IMMP2L: variants seen among roughly 807,000 people sequenced by gnomAD.
IMMP2L encodes the protein inner mitochondrial membrane peptidase subunit 2.
Under a neutral mutation model 19.3 loss-of-function variants are expected in IMMP2L, and 18 were observed. The observed-to-expected ratio is 0.93, with a 90% CI of 0.64 to 1.38. The LOEUF is 1.38. IMMP2L is among the 40% of genes most tolerant of loss of function. The probability of loss-of-function intolerance (pLI) is 0.00; values close to 1 mark genes in which losing one functional copy is unlikely to be tolerated. For missense variants in IMMP2L, 233 were observed against 218.2 expected (o/e 1.07, Z -0.43); for synonymous variants, 76 against 73.0 (o/e 1.04, Z -0.21).
intron 3 of IMMP2L, among the ~76,000 whole-genome samples, chr7:111,261,242 G>A (rs1817281155): frequency 6.6e-6 from 1 of 152,006 alleles, no homozygotes; most frequent in Non-Finnish European, 1.5e-5. Context: ...GCTCTCTGAG[G>A]TAAATGAACC....
rs185396873 is a variant in IMMP2L at position 110,905,656 on chromosome 7, G to A, written c.306-18961C>T. 1.1e-3 allele frequency among the ~76,000 whole-genome samples: 164 copies of A among 152,270 alleles called. 1 individual carries two copies. Among genetic ancestry groups the A allele is most frequent in the African/African-American group, 3.6e-3 (150 of 41,560 alleles). On this transcript the variant is annotated intron_variant, in intron 4 of 5. Coordinates refer to ENST00000405709, the MANE Select transcript of IMMP2L (RefSeq NM_032549.4). ...AAGATGAGAGATCATAAAGTACATC[G>A]TAGGTTAATATTAGAAGAACCCTGA...
At chr7:111,200,051 A>G (rs946397954) in intron 3 of IMMP2L, among the ~76,000 whole-genome samples, 4 of 152,088 alleles carry the variant, frequency 2.6e-5, no homozygotes, top group African/African-American at 9.7e-5. Context: ...ACCACTCTCA[A>G]TATAAATGAA....
chr7:111,161,293 AT>A, intron 3 of IMMP2L, among the ~76,000 whole-genome samples: 1 of 152,032 alleles, frequency 6.6e-6, no homozygotes, highest in Admixed American at 6.6e-5. Flanking sequence ...AGAACAAAAA[AT>A]AATATGCCCT....
At chr7:110,799,083 G>A (rs1383547053) in intron 5 of IMMP2L, among the ~76,000 whole-genome samples, 1 of 151,976 alleles carries the variant, frequency 6.6e-6, no homozygotes, top group Non-Finnish European at 1.5e-5. Flanking sequence ...TGAAAAAAAT[G>A]TAAAGGAATA....
In IMMP2L at chr7:110,838,150, G is replaced by A. The variant is rs1235743841; in HGVS notation, c.408+48443C>T. Among the ~76,000 whole-genome samples the A allele has an allele frequency of 4.0e-5, 6 of 151,296 alleles. No homozygotes were observed. The East Asian group carries it at 9.7e-4, about 24-fold the overall frequency. Reference sequence around the variant, plus strand: ...CTTCCTAAATAATCATATTCAGTCAGTAGTTATCTGGGCCTTTGATCCTAT... The same window carrying A: ...CTTCCTAAATAATCATATTCAGTCAATAGTTATCTGGGCCTTTGATCCTAT... On this transcript the variant is annotated intron_variant, in intron 5 of 5. Coordinates refer to ENST00000405709, the MANE Select transcript of IMMP2L (RefSeq NM_032549.4).
chr7:110,858,901 A>G (rs903776607), intron 5 of IMMP2L, among the ~76,000 whole-genome samples: 1 of 151,936 alleles, frequency 6.6e-6, no homozygotes, highest in African/African-American at 2.4e-5. Context: ...ATGATTTCCA[A>G]TTTCATCCAT....
intron 5 of IMMP2L, among the ~76,000 whole-genome samples, chr7:110,772,720 T>C (rs1455983497): frequency 1.3e-5 from 2 of 152,150 alleles, no homozygotes; most frequent in East Asian, 3.9e-4. Flanking sequence ...TGCAATGAGA[T>C]AGGACCAAGT....
chr7:110,720,074 T>C lies in IMMP2L; in HGVS notation c.409-56353A>G, dbSNP rs146863334. On this transcript the variant is annotated intron_variant, in intron 5 of 5. Coordinates refer to ENST00000405709, the MANE Select transcript of IMMP2L (RefSeq NM_032549.4). ...TATTCCAACTAAAATCCTGGAAATC[T>C]CATAATGTCGGGAAATTAGCTGAGA... Among the ~76,000 whole-genome samples the C allele has an allele frequency of 1.6e-3, 248 of 152,288 alleles. 1 individual carries two copies. The highest frequency in any genetic ancestry group is 5.7e-3 in the African/African-American group (236 of 41,568).
At chr7:111,042,453 T>C (rs1488609792) in intron 3 of IMMP2L, among the ~76,000 whole-genome samples, 1 of 152,224 alleles carries the variant, frequency 6.6e-6, no homozygotes, top group Admixed American at 6.5e-5. Context: ...AGTGTTGGGA[T>C]TACAGGCGTG....
chr7:111,015,180 A>C (rs766598969), intron 3 of IMMP2L, among the ~76,000 whole-genome samples: 2 of 152,196 alleles, frequency 1.3e-5, no homozygotes, highest in African/African-American at 2.4e-5. Context: ...AAGAATGGAC[A>C]AACAAATGTG....
intron 5 of IMMP2L, among the ~76,000 whole-genome samples, chr7:110,818,122 T>A (rs1419592203): frequency 1.3e-5 from 2 of 152,086 alleles, no homozygotes; most frequent in Admixed American, 6.6e-5. Context: ...TGGGATCTAA[T>A]TAAACTAAAG....
chr7:111,066,452 G>T lies in IMMP2L; in HGVS notation c.240-102887C>A, dbSNP rs544960655. On this transcript the variant is annotated intron_variant, in intron 3 of 5. Coordinates refer to ENST00000405709, the MANE Select transcript of IMMP2L (RefSeq NM_032549.4). The stretch of plus-strand genomic sequence containing the variant: ...CAAAGCAGAAGGCATTGGAAAAAAA[G>T]ATTTTTGTGAAGGAAATAGGAGATG... Among the ~76,000 whole-genome samples the T allele has an allele frequency of 6.8e-4, 104 of 152,276 alleles. 1 individual carries two copies. Among genetic ancestry groups the T allele is most frequent in the African/African-American group, 2.4e-3 (100 of 41,554 alleles).
intron 2 of IMMP2L, among the ~76,000 whole-genome samples, chr7:111,508,265 A>T (rs532567756): frequency 1.0e-3 from 158 of 152,280 alleles, no homozygotes; most frequent in African/African-American, 3.7e-3. Context: ...GCTAAAAAGT[A>T]TAAAACAGGC....
At chr7:110,975,994 C>G (rs1388107698) in intron 3 of IMMP2L, among the ~76,000 whole-genome samples, 1 of 151,844 alleles carries the variant, frequency 6.6e-6, no homozygotes, top group Non-Finnish European at 1.5e-5. Flanking sequence ...CGTATGGGCA[C>G]AGTAGAACTG....
chr7:111,131,339 C>T (rs954408869), intron 3 of IMMP2L, among the ~76,000 whole-genome samples: 5 of 151,744 alleles, frequency 3.3e-5, no homozygotes, highest in African/African-American at 7.3e-5. Flanking sequence ...GACAGTGCAA[C>T]GCTTGAGATA....
intron 3 of IMMP2L, among the ~76,000 whole-genome samples, chr7:110,989,531 CAAAA>C (rs778163183): frequency 4.9e-5 from 3 of 60,944 alleles, no homozygotes; most frequent in Admixed American, 1.8e-4. Context: ...CTCTGTCTCC[CAAAA>C]AAAAAAAAAA....
intron 3 of IMMP2L, among the ~76,000 whole-genome samples, chr7:111,222,886 A>T (rs1812669705): frequency 6.6e-6 from 1 of 152,002 alleles, no homozygotes; most frequent in African/African-American, 2.4e-5. Context: ...CAATGTCCTG[A>T]TATCGGTACA....
chr7:111,519,347 A>G (rs891373705), intron 2 of IMMP2L, among the ~76,000 whole-genome samples: 1 of 152,128 alleles, frequency 6.6e-6, no homozygotes, highest in Non-Finnish European at 1.5e-5. Flanking sequence ...GTGTGTATAT[A>G]ATAAGCCTTC....
At chr7:111,328,513 T>C (rs1825554436) in intron 3 of IMMP2L, among the ~76,000 whole-genome samples, 2 of 151,766 alleles carry the variant, frequency 1.3e-5, no homozygotes, top group Admixed American at 6.6e-5. Flanking sequence ...TTGAAGAATA[T>C]AAAGTAAATG....
Sources: allele counts gnomAD v4.1 joint callset (sites outside exome capture counted in the v4.1 genomes callset), GRCh38; gene constraint gnomAD v4.1.1; transcripts MANE v1.5; gene names NCBI Gene and HGNC (gene_info 2026-07-23, HGNC 2026-07-21).